The following USP39 variants were observed in gnomAD, a reference collection of about 807,000 sequenced individuals.
USP39 encodes the protein ubiquitin carboxyl-terminal hydrolase 39.
Under a neutral mutation model 66.4 loss-of-function variants are expected in USP39, and 38 were observed. That is an observed-to-expected ratio of 0.57 (90% CI 0.44 to 0.75). The LOEUF is 0.75. Ranked by LOEUF, USP39 falls within the 30% of genes least tolerant of loss-of-function variation. The pLI, the probability that USP39 is intolerant of heterozygous loss-of-function variation, is 0.00. For missense variants in USP39, 608 were observed against 714.4 expected, an observed-to-expected ratio of 0.85 and a Z score of 1.70; for synonymous variants, 303 against 274.6, an observed-to-expected ratio of 1.10 and a Z score of -1.02.
intron 1 of USP39, among the ~76,000 whole-genome samples, chr2:85,616,864 T>G (rs904412969): frequency 1.3e-5 from 2 of 151,636 alleles, no homozygotes; most frequent in Admixed American, 6.6e-5. Context: ...TAATTTTTTG[T>G]GTTTTTAGTA....
chr2:85,632,393 C>T (rs1207677054), intron 6 of USP39, among the ~76,000 whole-genome samples: 3 of 151,416 alleles, frequency 2.0e-5, no homozygotes, highest in Non-Finnish European at 4.4e-5. Flanking sequence ...TGCACTCCAG[C>T]TGGGGAACGG....
At chr2:85,641,556 TG>T (rs1444832079) in intron 10 of USP39, among the ~76,000 whole-genome samples, 1 of 152,124 alleles carries the variant, frequency 6.6e-6, no homozygotes, top group African/African-American at 2.4e-5. Flanking sequence ...AGATCCTTTT[TG>T]GGGGTAGACT....
At chr2:85,610,826 T>A (rs950857988), upstream of USP39, 3 of 150,016 alleles carry the variant, frequency 2.0e-5, no homozygotes, top group African/African-American at 7.4e-5. Flanking sequence ...TGGCGCGATC[T>A]CGGCTCACTG....
At chr2:85,636,885 G>A (rs375306869) in intron 7 of USP39, among the ~76,000 whole-genome samples, 6 of 152,258 alleles carry the variant, frequency 3.9e-5, no homozygotes, top group African/African-American at 9.6e-5. Flanking sequence ...TCTAACTTGC[G>A]TCTTGGCAGG....
At chr2:85,612,577 G>A (rs148323988), upstream of USP39, among the ~76,000 whole-genome samples, 291 of 152,338 alleles carry the variant, frequency 1.9e-3, 2 homozygotes, top group Non-Finnish European at 3.8e-3. Context: ...TGCTCACGGC[G>A]CCGATGGCTT....
upstream of USP39, chr2:85,612,368 A>T (rs184165009): frequency 2.0e-6 from 3 of 1,535,988 alleles, no homozygotes; most frequent in African/African-American, 4.1e-5. Context: ...TGGTAATAGG[A>T]TGCTGTGCAA....
intron 1 of USP39, among the ~76,000 whole-genome samples, chr2:85,618,748 T>C (rs527295603): frequency 6.6e-6 from 1 of 152,198 alleles, no homozygotes; most frequent in East Asian, 1.9e-4. Context: ...AGTTTGTGGC[T>C]TGTTCTATTA....
At chr2:85,612,958 G>GC (rs1279369523), upstream of USP39, among the ~76,000 whole-genome samples, 5 of 121,472 alleles carry the variant, frequency 4.1e-5, no homozygotes, top group African/African-American at 2.2e-4. Context: ...ACCGTGCCCG[G>GC]CCCCTTTTTT....
chr2:85,642,064 G>T (rs1403340780), intron 10 of USP39, among the ~76,000 whole-genome samples: 1 of 152,124 alleles, frequency 6.6e-6, no homozygotes, highest in Non-Finnish European at 1.5e-5. Flanking sequence ...GTGTTTTCTG[G>T]ATATGTTCTC....
At position 85,616,232 on chromosome 2, in the gene USP39, A is replaced by C. The variant is rs1378525737; in HGVS notation, c.37A>C (p.Thr13Pro). The C allele has an allele frequency of 6.7e-6, 10 of 1,487,682 alleles. No individual in the cohort carries two copies. In the South Asian group the frequency reaches 9.4e-5, roughly 14 times the overall value. 92.2% of individuals were successfully genotyped at this position (1,487,682 alleles called of 1,614,324 possible). A position where few individuals can be genotyped will look rare whatever the true frequency, so the allele number is the denominator to read the frequency against. The change falls in exon 1 of 13, where the codon ACT becomes CCT. Residue 13 changes from threonine to proline, a missense_variant. Coordinates refer to ENST00000323701, the MANE Select transcript of USP39 (RefSeq NM_006590.4). The stretch of plus-strand genomic sequence containing the variant: ...GTCTAAGCGGGAGTCTCGCGGTTCC[A>C]CTCGCGGGAAGCGAGAGTCTGAGTC... ...GRSKRESRGS[T>P]RGKRESESRG...
chr2:85,636,824 G>A (rs1431884415), intron 7 of USP39, among the ~76,000 whole-genome samples: 1 of 152,178 alleles, frequency 6.6e-6, no homozygotes, highest in Non-Finnish European at 1.5e-5. Context: ...CCACTGGATG[G>A]CCCTGCCCTC....
At chr2:85,625,496 A>G (rs754102462) in intron 4 of USP39, 43 bp from the exon 5 acceptor site, 1 of 1,609,042 alleles carries the variant, frequency 6.2e-7, no homozygotes, top group Non-Finnish European at 8.5e-7. Flanking sequence ...ATTTCTTGTG[A>G]ACTCAGCTCT....
chr2:85,609,328 C>T (rs1385917869), upstream of USP39: 1 of 1,468,764 alleles, frequency 6.8e-7, no homozygotes, highest in African/African-American at 1.4e-5. Context: ...ACATGTGGAG[C>T]AGACGCTTCC....
intron 1 of USP39, among the ~76,000 whole-genome samples, chr2:85,618,827 C>T (rs1674216701): frequency 1.3e-5 from 2 of 151,384 alleles, no homozygotes; most frequent in Non-Finnish European, 1.5e-5. Context: ...TGGAGTGCAG[C>T]GGTACGATCT....
chr2:85,610,465 G>C (rs550015878), upstream of USP39: 2 of 152,234 alleles, frequency 1.3e-5, no homozygotes, highest in Non-Finnish European at 2.9e-5. Flanking sequence ...ATAGAGCTCT[G>C]CCTGGGTTCA....
chr2:85,630,418 A>G (rs1380755780), intron 5 of USP39, among the ~76,000 whole-genome samples: 2 of 152,212 alleles, frequency 1.3e-5, no homozygotes, highest in African/African-American at 4.8e-5. Context: ...AACAAAAGGA[A>G]ATTGTTGAAT....
intron 9 of USP39, 79 bp downstream of exon 9, chr2:85,639,470 TCAAGACAGA>T: frequency 5.2e-6 from 7 of 1,351,942 alleles, no homozygotes; most frequent in South Asian, 1.4e-5. Context: ...TTTTTTTTTT[TCAAGACAGA>T]GTTTTGCTCT....
chr2:85,612,221 T>G (rs770241399), upstream of USP39: 285 of 1,299,212 alleles, frequency 2.2e-4, no homozygotes, highest in South Asian at 3.9e-4. Context: ...GTTTTTGTTT[T>G]TTTTTGTTTG....
chr2:85,618,198 C>T (rs1286193696), intron 1 of USP39, among the ~76,000 whole-genome samples: 2 of 151,998 alleles, frequency 1.3e-5, no homozygotes, highest in Middle Eastern at 3.4e-3. Context: ...TCAGGTGAGC[C>T]GCCTGCCTCT....
Sources: allele counts gnomAD v4.1 joint callset (sites outside exome capture counted in the v4.1 genomes callset), GRCh38; gene constraint gnomAD v4.1.1; transcripts MANE v1.5; gene names NCBI Gene and HGNC (gene_info 2026-07-23, HGNC 2026-07-21).